TET1: variants seen among roughly 807,000 people sequenced by gnomAD.
TET1 encodes the protein methylcytosine dioxygenase TET1.
In TET1, 13 loss-of-function variants were observed where a neutral mutation model predicts 148.7. The observed-to-expected ratio is 0.09, with a 90% CI of 0.06 to 0.14. The LOEUF is 0.14. Ranked by LOEUF, TET1 falls within the 10% of genes least tolerant of loss-of-function variation. The pLI is 1.00. For missense variants in TET1, 2,182 were observed against 2,553.8 expected (o/e 0.85, Z 3.14); for synonymous variants, 907 against 937.2 (o/e 0.97, Z 0.59).
chr10:68,634,060 T>A (rs2054615422), intron 3 of TET1, among the ~76,000 whole-genome samples: 1 of 152,158 alleles, frequency 6.6e-6, no homozygotes, highest in South Asian at 2.1e-4. Context: ...GATTTTTAAA[T>A]TTTTTGTAGA....
rs553591899 is a variant in TET1, at chr10:68,597,030, A to ATT, written c.1915-3931_1915-3930dup. Among the ~76,000 whole-genome samples, 109 of 98,874 alleles carry ATT rather than the reference A, an allele frequency of 1.1e-3. 7 individuals carry two copies. Among genetic ancestry groups the ATT allele is most frequent in the African/African-American group, 3.0e-3 (67 of 22,576 alleles). The allele number at this position is 98,874 out of a possible 152,430, so 64.9% of individuals were successfully genotyped here. A position where few individuals can be genotyped will look rare whatever the true frequency, so the allele number is the denominator to read the frequency against. On this transcript the variant is annotated intron_variant, in intron 2 of 11. Coordinates refer to ENST00000373644, the MANE Select transcript of TET1 (RefSeq NM_030625.3). Reference sequence around the variant, plus strand: ...ATTTTCATGATCACACAGCTAATGGATTTTTTTTTTTTTTTTTTTTTGAGA... The same window carrying ATT: ...ATTTTCATGATCACACAGCTAATGGATTTTTTTTTTTTTTTTTTTTTTTGAGA...
chr10:68,633,039 CTGGGCGTGGTGG>C (rs1221229150), intron 3 of TET1, among the ~76,000 whole-genome samples: 1 of 151,898 alleles, frequency 6.6e-6, no homozygotes, highest in Non-Finnish European at 1.5e-5. Context: ...CAAAAATTAG[CTGGGCGTGGTGG>C]TGGGCGCCTG....
chr10:68,638,210 G>A (rs1176662060), intron 3 of TET1, among the ~76,000 whole-genome samples: 1 of 152,150 alleles, frequency 6.6e-6, no homozygotes, highest in Non-Finnish European at 1.5e-5. Flanking sequence ...AGTGAATACA[G>A]TATCTTAAAG....
chr10:68,681,781 A>G (rs1589132953), intron 9 of TET1, among the ~76,000 whole-genome samples: 1 of 152,210 alleles, frequency 6.6e-6, no homozygotes, highest in East Asian at 1.9e-4. Flanking sequence ...AGCCTGGCCC[A>G]CATGGTGAAA....
At chr10:68,630,422 C>G (rs2054552589) in intron 3 of TET1, among the ~76,000 whole-genome samples, 1 of 152,210 alleles carries the variant, frequency 6.6e-6, no homozygotes, top group South Asian at 2.1e-4. Flanking sequence ...AGATATTCTC[C>G]TGCCTCAGCC....
At chr10:68,667,578 A>G (rs6480352) in intron 7 of TET1, among the ~76,000 whole-genome samples, 143,498 of 152,004 alleles carry the variant, frequency 0.94, 67,771 homozygotes, top group East Asian at 0.98. Flanking sequence ...ATATGTCTCC[A>G]CTATAAATAC....
At chr10:68,575,876 C>A (rs1242623771) in intron 2 of TET1, among the ~76,000 whole-genome samples, 2 of 150,408 alleles carry the variant, frequency 1.3e-5, no homozygotes, top group Non-Finnish European at 3.0e-5. Flanking sequence ...AAAAATTAGC[C>A]GGGCGTGACG....
intron 1 of TET1, among the ~76,000 whole-genome samples, chr10:68,570,197 C>T (rs186309276): frequency 0.021 from 3,236 of 151,922 alleles, 39 homozygotes; most frequent in Non-Finnish European, 0.03. Flanking sequence ...CTCTGCCTCC[C>T]GGGTTCAAGT....
intron 3 of TET1, among the ~76,000 whole-genome samples, chr10:68,627,698 G>A (rs1589090455): frequency 6.6e-6 from 1 of 151,756 alleles, no homozygotes; most frequent in Non-Finnish European, 1.5e-5. Context: ...AGGCCGAGAC[G>A]GCAAATCACC....
intron 7 of TET1, among the ~76,000 whole-genome samples, chr10:68,671,923 T>A (rs2055277477): frequency 6.6e-6 from 1 of 152,082 alleles, no homozygotes; most frequent in Admixed American, 6.6e-5. Flanking sequence ...TTTGTACTTT[T>A]AGTAGAGATG....
chr10:68,604,997 C>A (rs1377464304), intron 3 of TET1, among the ~76,000 whole-genome samples: 17 of 152,094 alleles, frequency 1.1e-4, no homozygotes, highest in Admixed American at 1.0e-3. Flanking sequence ...TATAAAATAT[C>A]ATCAGAGTAG....
Position 68,573,041 on chromosome 10 carries a change from G to T in TET1, c.703G>T (p.Asp235Tyr). ...EGLFSEETLNDTSGSPKMFAQ... is the reference protein window; with the variant it reads ...EGLFSEETLNYTSGSPKMFAQ... ...ACTATTCTCTGAAGAGACATTGAAT[G>T]ATACCAGTGGTTCCCCAAAAATGTT... The change falls in exon 2 of 12, where the codon GAT becomes TAT. Residue 235 changes from aspartate (D) to tyrosine (Y), a missense_variant. Coordinates refer to ENST00000373644, the MANE Select transcript of TET1 (RefSeq NM_030625.3). 1.2e-6 allele frequency: 2 copies of T among 1,614,132 alleles called. No individual in the cohort carries two copies. The highest frequency in any genetic ancestry group is 1.7e-6 in the Non-Finnish European group (2 of 1,180,016).
intron 8 of TET1, among the ~76,000 whole-genome samples, chr10:68,678,288 G>A (rs1030746699): frequency 6.6e-6 from 1 of 152,208 alleles, no homozygotes; most frequent in Admixed American, 6.5e-5. Context: ...GACCAGGTTT[G>A]TAGAGGGCAG....
chr10:68,560,712 G>A lies in TET1; in HGVS notation c.-153G>A, dbSNP rs914921345. On this transcript the variant is annotated 5_prime_UTR_variant, in exon 1 of 12. Transcript: ENST00000373644. The stretch of plus-strand genomic sequence containing the variant: ...GTGCAGGCTTGGAGCTGGGGGCCGT[G>A]CGCTGCCCTGGGAATGTGACCCGGC... The A allele has an allele frequency of 2.0e-5, 3 of 152,674 alleles. No homozygotes were observed. Among genetic ancestry groups the A allele is most frequent in the Non-Finnish European group, 4.4e-5 (3 of 68,434 alleles). 9.5% of individuals were successfully genotyped at this position (152,674 alleles called of 1,614,324 possible).
In TET1 at chr10:68,573,372, A is replaced by G. The variant is rs2053692599; in HGVS notation, c.1034A>G (p.His345Arg). 1 of 1,614,146 alleles carries G rather than the reference A, an allele frequency of 6.2e-7. No homozygotes were observed. Among genetic ancestry groups the G allele is most frequent in the Non-Finnish European group, 8.5e-7 (1 of 1,180,016 alleles). ...KQATLGAKPD[H>R]QEAFEATANQ... Reference sequence around the variant, plus strand: ...GCGACCCTTGGTGCTAAACCAGATCATCAAGAGGCCTTCGAAGCTACTGCA... The same window carrying G: ...GCGACCCTTGGTGCTAAACCAGATCGTCAAGAGGCCTTCGAAGCTACTGCA... Residue 345 changes from histidine to arginine, a missense_variant, in exon 2 of 12, where the codon CAT (histidine) becomes CGT (arginine). Physicochemically the swap from His to Arg is conservative, Grantham distance 29. Transcript: ENST00000373644.
chr10:68,651,818 G>T (rs1169766077), intron 4 of TET1, 28 bp from the exon 5 acceptor site: 1 of 1,559,570 alleles, frequency 6.4e-7, no homozygotes, highest in Admixed American at 1.8e-5. Flanking sequence ...GTAAAGCTTT[G>T]GGTCTAATAA....
intron 3 of TET1, among the ~76,000 whole-genome samples, chr10:68,639,570 G>T (rs1249969199): frequency 1.3e-5 from 2 of 151,930 alleles, no homozygotes; most frequent in Non-Finnish European, 2.9e-5. Flanking sequence ...CCAGGTTCAC[G>T]TGATCCTCCC....
At chr10:68,617,291 T>C (rs1287753136) in intron 3 of TET1, among the ~76,000 whole-genome samples, 1 of 151,864 alleles carries the variant, frequency 6.6e-6, no homozygotes, top group Non-Finnish European at 1.5e-5. Flanking sequence ...CCCAAAGTGC[T>C]AGGATTACAG....
chr10:68,687,955 G>T (rs2055537859), intron 11 of TET1, among the ~76,000 whole-genome samples: 1 of 152,006 alleles, frequency 6.6e-6, no homozygotes, highest in Non-Finnish European at 1.5e-5. Flanking sequence ...ACAGAGTCTT[G>T]CTATGTTGCC....
Sources: gnomAD v4.1 joint callset for allele counts (sites outside exome capture counted in the v4.1 genomes callset) on GRCh38, gnomAD v4.1.1 for gene constraint, MANE v1.5 for transcripts, NCBI Gene and HGNC (gene_info 2026-07-23, HGNC 2026-07-21) for gene names.